ZIC3: variants seen among roughly 807,000 people sequenced by gnomAD.
The protein encoded by ZIC3 is Zic family zinc finger 3, also known as zinc finger protein ZIC 3.
A neutral mutation model predicts 18.3 loss-of-function variants in ZIC3; 6 were observed. The ratio of observed to expected loss-of-function variants is 0.33; its 90% CI spans 0.18 to 0.65. ZIC3 has a LOEUF of 0.65. ZIC3 is among the 30% of genes least tolerant of loss of function. The pLI, the probability that ZIC3 is intolerant of heterozygous loss-of-function variation, is 0.75. For missense variants in ZIC3, 260 were observed against 410.0 expected, an observed-to-expected ratio of 0.63 and a Z score of 3.16; for synonymous variants, 175 against 177.0, an observed-to-expected ratio of 0.99 and a Z score of 0.09.
rs567389652 is a variant in ZIC3 at position 137,571,275 on chromosome X, G to T, written c.*1205G>T. The T allele has an allele frequency of 2.8e-4, 31 of 111,804 alleles. No homozygotes were observed. Among genetic ancestry groups the T allele is most frequent in the Middle Eastern group, 4.7e-3 (1 of 215 alleles). 9.2% of individuals were successfully genotyped at this position (111,804 alleles called of 1,213,427 possible). ...TTACATAAAAATGAAAATTGCGGCA[G>T]GATGCATGTCTGTCTGTTCTATCTA... On this transcript the variant is annotated 3_prime_UTR_variant, in exon 3 of 3. Coordinates refer to ENST00000287538, the MANE Select transcript of ZIC3 (RefSeq NM_003413.4).
chrX:137,570,949 C>CT lies in ZIC3; in HGVS notation c.*885dup, dbSNP rs1406898325. 8.9e-6 allele frequency: 1 copy of CT among 112,601 alleles called. No individual in the cohort carries two copies. The highest frequency in any genetic ancestry group is 1.9e-5 in the Non-Finnish European group (1 of 53,255). The allele number at this position is 112,601 out of a possible 1,213,427, so 9.3% of individuals were successfully genotyped here. A position where few individuals can be genotyped will look rare whatever the true frequency, so the allele number is the denominator to read the frequency against. On this transcript the variant is annotated 3_prime_UTR_variant, in exon 3 of 3. Coordinates refer to ENST00000287538, the MANE Select transcript of ZIC3 (RefSeq NM_003413.4). ...TGGTATTTATAACTCACTCAGATCC[C>CT]TTTTTTAATTGTTAAATTATTTTTC... is the stretch of plus-strand genomic sequence containing the variant.
chrX:137,573,139 A>C (rs573582508), downstream of ZIC3, among the ~76,000 whole-genome samples: 248 of 34,122 alleles, frequency 7.3e-3, no homozygotes, highest in African/African-American at 0.03. Context: ...ACCCCCCCCA[A>C]AAAAAAAAAA....
rs1602742110 is a variant in ZIC3 at position 137,566,510 on chromosome X, A to G, written c.-182A>G. On this transcript the variant is annotated 5_prime_UTR_variant, in exon 1 of 3. Coordinates refer to ENST00000287538, the MANE Select transcript of ZIC3 (RefSeq NM_003413.4). Reference sequence around the variant, plus strand: ...GCTCTTTCTTCCCCTCCTCCCTCCTATCCCTCTGCAGGAGACTCTTGCAGT... The same window carrying G: ...GCTCTTTCTTCCCCTCCTCCCTCCTGTCCCTCTGCAGGAGACTCTTGCAGT... 2 of 485,846 alleles carry G rather than the reference A, an allele frequency of 4.1e-6. No homozygotes were observed. Among genetic ancestry groups the G allele is most frequent in the Non-Finnish European group, 5.6e-6 (2 of 359,003 alleles). 40.0% of individuals were successfully genotyped at this position (485,846 alleles called of 1,213,427 possible). A position where few individuals can be genotyped will look rare whatever the true frequency, so the allele number is the denominator to read the frequency against.
In ZIC3 at chrX:137,567,248, T is replaced by C. The variant is rs765201397; in HGVS notation, c.557T>C (p.Leu186Pro). 2 of 1,210,937 alleles carry C rather than the reference T, an allele frequency of 1.7e-6. No homozygotes were observed. Among genetic ancestry groups the C allele is most frequent in the Admixed American group, 4.3e-5 (2 of 46,092 alleles). ...TGHVDNNQVH[L>P]GLRGELFGRA... The stretch of plus-strand genomic sequence containing the variant: ...CACGTGGACAACAACCAGGTCCACC[T>C]GGGGCTGCGTGGGGAGCTGTTCGGC... The change falls in exon 1 of 3, where the codon CTG becomes CCG. Residue 186 changes from leucine (L) to proline (P), a missense_variant. Physicochemically the swap from Leu to Pro is moderately conservative, Grantham distance 98. Coordinates refer to ENST00000287538, the MANE Select transcript of ZIC3 (RefSeq NM_003413.4).
downstream of ZIC3, among the ~76,000 whole-genome samples, chrX:137,575,408 A>C (rs1048538561): frequency 8.9e-6 from 1 of 111,760 alleles, no homozygotes; most frequent in Non-Finnish European, 1.9e-5. Context: ...ACTTTAATTC[A>C]GCTTTTGCTT....
At chrX:137,577,214 T>C (rs1931524000) in exon 3 of ZIC3, 1 of 524,881 alleles carries the variant, frequency 1.9e-6, no homozygotes, top group Non-Finnish European at 3.5e-6. Flanking sequence ...TCCATAACAC[T>C]ACCTATCCTA....
chrX:137,566,983 A>T lies in ZIC3; in HGVS notation c.292A>T (p.Thr98Ser), dbSNP rs1174562828. 1 of 1,166,607 alleles carries T rather than the reference A, an allele frequency of 8.6e-7. No individual in the cohort carries two copies. The highest frequency in any genetic ancestry group is 1.1e-6 in the Non-Finnish European group (1 of 872,956). Reference protein sequence around the residue: ...HHHHHHHHHHTSQVPSYGGAA... With the variant: ...HHHHHHHHHHSSQVPSYGGAA... Reference sequence around the variant, plus strand: ...CCACCACCATCACCATCATCACCACACCAGCCAGGTGCCCAGCTACGGTGG... The same window carrying T: ...CCACCACCATCACCATCATCACCACTCCAGCCAGGTGCCCAGCTACGGTGG... Residue 98 changes from threonine to serine, a missense_variant, in exon 1 of 3, where the codon ACC becomes TCC. By Grantham distance (58) the Thr-to-Ser change is moderately conservative. Transcript: ENST00000287538.
Position 137,566,627 on chromosome X carries a change from TCTC to T in ZIC3, c.-59_-57del, listed in dbSNP as rs1352788388. 64 of 1,169,037 alleles carry T rather than the reference TCTC, an allele frequency of 5.5e-5. No homozygotes were observed. The highest frequency in any genetic ancestry group is 3.2e-4 in the African/African-American group (18 of 56,150). On this transcript the variant is annotated 5_prime_UTR_variant, in exon 1 of 3. Transcript: ENST00000287538. ...CTTTCCGACTACGGCACTTCGGAGA[TCTC>T]CTCCTTCGCCGGTACCCTCTCTCAC...
chrX:137,572,142 AAATC>A (rs1441547672), downstream of ZIC3, among the ~76,000 whole-genome samples: 2 of 112,307 alleles, frequency 1.8e-5, no homozygotes, highest in African/African-American at 3.2e-5. Context: ...ATGTTCAAAT[AAATC>A]AATCTAAAAT....
chrX:137,569,130 C>T, intron 2 of ZIC3, 65 bp downstream of exon 2: 1 of 1,150,379 alleles, frequency 8.7e-7, no homozygotes, highest in Non-Finnish European at 1.2e-6. Context: ...GGCCGCGGAA[C>T]GGAAGCGCCC....
At chrX:137,576,438 G>A (rs1318390977), downstream of ZIC3, among the ~76,000 whole-genome samples, 3 of 111,635 alleles carry the variant, frequency 2.7e-5, no homozygotes, top group African/African-American at 9.8e-5. Flanking sequence ...CATTTGACAT[G>A]GTAAAACTGG....
chrX:137,567,744 C>T lies in ZIC3; in HGVS notation c.1053C>T (p.Thr351=), dbSNP rs1931372284. The T allele has an allele frequency of 8.3e-7, 1 of 1,211,209 alleles. No homozygotes were observed. Among genetic ancestry groups the T allele is most frequent in the African/African-American group, 1.7e-5 (1 of 57,723 alleles). The part of the protein sequence containing the change: ...RSENLKIHKR[T]HTGEKPFKCE... The stretch of plus-strand genomic sequence containing the variant: ...AGAACCTCAAGATCCACAAGAGGAC[C>T]CACACAGGTAAGGGAAAAAAGCAGG... The change falls in exon 1 of 3, where the codon ACC becomes ACT. Residue 351 remains threonine (T), a synonymous_variant. Coordinates refer to ENST00000287538, the MANE Select transcript of ZIC3 (RefSeq NM_003413.4).
downstream of ZIC3, chrX:137,573,747 T>G (rs895101351): frequency 7.9e-5 from 9 of 113,394 alleles, no homozygotes; most frequent in Admixed American, 5.5e-4. Flanking sequence ...AGTGGATCCT[T>G]GGCCGGGGCC....
chrX:137,566,830 G>A lies in ZIC3; in HGVS notation c.139G>A (p.Ala47Thr). The A allele has an allele frequency of 8.6e-7, 1 of 1,157,502 alleles. No homozygotes were observed. Among genetic ancestry groups the A allele is most frequent in the Non-Finnish European group, 1.1e-6 (1 of 870,747 alleles). ...TCCCTTCGGGGACTCAACCCACGCCGCCGCCGCCGCCGCCGCCGCCGCTGC... is the reference window on the plus strand; with the variant it reads ...TCCCTTCGGGGACTCAACCCACGCCACCGCCGCCGCCGCCGCCGCCGCTGC... ...LNPFGDSTHA[A>T]AAAAAAAAFK... The change falls in exon 1 of 3, where the codon GCC becomes ACC. Residue 47 changes from alanine to threonine, a missense_variant. Physicochemically the swap from Ala to Thr is moderately conservative, Grantham distance 58. Coordinates refer to ENST00000287538, the MANE Select transcript of ZIC3 (RefSeq NM_003413.4).
rs897110979 is a variant in ZIC3 at position 137,577,152 on chromosome X, C to G, written c.1255C>G (p.Leu419Val). ...TCCTGCTTGGTATCCGGGACAGTCT[C>G]TAATTCCTGACGAAGAACTTGATAC... is the stretch of plus-strand genomic sequence containing the variant. Residue 419 changes from leucine to valine, a missense_variant, in exon 3 of 3, where the codon CTA (leucine) becomes GTA (valine). Physicochemically the swap from Leu to Val is conservative, Grantham distance 32 (BLOSUM62 1). Coordinates refer to the ZIC3 transcript ENST00000370606. The G allele has an allele frequency of 2.1e-4, 108 of 522,599 alleles. 1 individual carries two copies. The East Asian group carries it at 3.8e-3, about 19-fold the overall frequency. The allele number at this position is 522,599 out of a possible 1,213,427, so 43.1% of individuals were successfully genotyped here. A position where few individuals can be genotyped will look rare whatever the true frequency, so the allele number is the denominator to read the frequency against.
chrX:137,568,192 T>A (rs1569345992), intron 1 of ZIC3, among the ~76,000 whole-genome samples: 2 of 112,400 alleles, frequency 1.8e-5, no homozygotes, highest in Non-Finnish European at 3.8e-5. Context: ...GATTGGCACA[T>A]CTCCTAATTA....
downstream of ZIC3, among the ~76,000 whole-genome samples, chrX:137,576,279 A>T (rs1931513878): frequency 8.9e-6 from 1 of 111,834 alleles, no homozygotes; most frequent in African/African-American, 3.2e-5. Flanking sequence ...TAAAAAGTTC[A>T]TTAAGTTAAA....
rs1378908853 is a variant in ZIC3 at position 137,571,611 on chromosome X, A to G, written c.*1541A>G. The G allele has an allele frequency of 8.9e-6, 1 of 112,805 alleles. No homozygotes were observed. The highest frequency in any genetic ancestry group is 9.4e-5 in the Admixed American group (1 of 10,640). 9.3% of individuals were successfully genotyped at this position (112,805 alleles called of 1,213,427 possible). On this transcript the variant is annotated 3_prime_UTR_variant, in exon 3 of 3. Coordinates refer to ENST00000287538, the MANE Select transcript of ZIC3 (RefSeq NM_003413.4). ...AGCAGTTCTGAAATGATGCTATGGG[A>G]AAAAAATTGCAAAATATGTATTTTT...
At position 137,567,035 on chromosome X, in the gene ZIC3, C is replaced by A; in HGVS notation, c.344C>A (p.Thr115Lys). Residue 115 changes from threonine to lysine, a missense_variant, in exon 1 of 3, where the codon ACG (threonine) becomes AAG (lysine). Thr to Lys is a moderately conservative substitution (Grantham distance 78). Around this residue, in one of 4 missense-constraint regions of ZIC3, gnomAD observed 183 missense variants for 223.8 expected, o/e 0.82. Coordinates refer to ENST00000287538, the MANE Select transcript of ZIC3 (RefSeq NM_003413.4). The part of the protein sequence containing the change: ...GGAASAAFNS[T>K]REFLFRQRSS... ...GCTGCCTCTGCCGCCTTCAACTCAA[C>A]GCGCGAGTTTCTGTTCCGCCAGCGC... 8.6e-7 allele frequency: 1 copy of A among 1,169,003 alleles called. No individual in the cohort carries two copies. Among genetic ancestry groups the A allele is most frequent in the African/African-American group, 1.8e-5 (1 of 56,691 alleles).
Sources: gnomAD v4.1 joint callset for allele counts (sites outside exome capture counted in the v4.1 genomes callset) on GRCh38, gnomAD v4.1.1 for gene constraint, gnomAD v4.1.1 regional missense constraint, MANE v1.5 for transcripts, NCBI Gene and HGNC (gene_info 2026-07-23, HGNC 2026-07-21) for gene names.